Variants in NXPH2 observed in about 807,000 individuals in gnomAD.
NXPH2 encodes the protein neurexophilin-2.
A neutral mutation model predicts 19.8 loss-of-function variants in NXPH2; 5 were observed. The ratio of observed to expected loss-of-function variants is 0.25; its 90% CI spans 0.13 to 0.53. NXPH2 has a LOEUF of 0.53. NXPH2 is among the 20% of genes least tolerant of loss of function. The pLI is 0.96. For missense variants in NXPH2, 289 were observed against 322.8 expected (o/e 0.90, Z 0.80); for synonymous variants, 154 against 127.4 (o/e 1.21, Z -1.41).
chr2:138,737,355 G>A (rs1280648072), intron 1 of NXPH2, among the ~76,000 whole-genome samples: 1 of 152,226 alleles, frequency 6.6e-6, no homozygotes, highest in African/African-American at 2.4e-5. Context: ...CAAAAAGAGA[G>A]TGAGAGCCAA....
At chr2:138,689,516 G>A (rs560191322) in intron 1 of NXPH2, among the ~76,000 whole-genome samples, 1 of 152,290 alleles carries the variant, frequency 6.6e-6, no homozygotes, top group South Asian at 2.1e-4. Flanking sequence ...GAGGGAGCAA[G>A]CTTTTCCAGG....
rs887922237 is a variant in NXPH2 at position 138,691,772 on chromosome 2, C to A, written c.52-20107G>T. On this transcript the variant is annotated intron_variant, in intron 1 of 1. Coordinates refer to ENST00000272641, the MANE Select transcript of NXPH2 (RefSeq NM_007226.3). ...CTGCCAGCCATCCCTTCCAAGGACC[C>A]AAGTATGTGAGCAAAACCATCTTGA... Among the ~76,000 whole-genome samples, 4 of 152,108 alleles carry A rather than the reference C, an allele frequency of 2.6e-5. No individual in the cohort carries two copies. The South Asian group carries it at 8.3e-4, about 32-fold the overall frequency.
rs1470771100 is a variant in NXPH2 at position 138,710,320 on chromosome 2, A to G, written c.52-38655T>C. Among the ~76,000 whole-genome samples the G allele has an allele frequency of 2.6e-5, 4 of 152,216 alleles. No homozygotes were observed. In the East Asian group the frequency reaches 7.7e-4, roughly 29 times the overall value. ...GTTTATTCATCACCTCTTGATGAATACTTGGGTTGTTCCCACCTTTGGCAA... is the reference window on the plus strand; with the variant it reads ...GTTTATTCATCACCTCTTGATGAATGCTTGGGTTGTTCCCACCTTTGGCAA... On this transcript the variant is annotated intron_variant, in intron 1 of 1. Transcript: ENST00000272641.
intron 1 of NXPH2, among the ~76,000 whole-genome samples, chr2:138,766,803 G>A (rs1351227038): frequency 2.0e-5 from 3 of 152,064 alleles, no homozygotes; most frequent in South Asian, 2.1e-4. Flanking sequence ...TATACATTAA[G>A]GTCAAAATGC....
Position 138,780,267 on chromosome 2 carries a change from G to A in NXPH2, c.-26C>T. ...GGTGCCGGCTGGCGCGGCTTTTCAC[G>A]AGCTGCGCGCCCTCGCCTGCCTCTC... On this transcript the variant is annotated 5_prime_UTR_variant, in exon 1 of 2. Transcript: ENST00000272641. 4 of 1,414,900 alleles carry A rather than the reference G, an allele frequency of 2.8e-6. No homozygotes were observed. Among genetic ancestry groups the A allele is most frequent in the Non-Finnish European group, 3.7e-6 (4 of 1,094,974 alleles). The allele number at this position is 1,414,900 out of a possible 1,614,324, so 87.6% of individuals were successfully genotyped here. A position where few individuals can be genotyped will look rare whatever the true frequency, so the allele number is the denominator to read the frequency against.
At chr2:138,756,882 T>C (rs1246964771) in intron 1 of NXPH2, among the ~76,000 whole-genome samples, 3 of 152,150 alleles carry the variant, frequency 2.0e-5, no homozygotes, top group African/African-American at 7.2e-5. Flanking sequence ...AATGAAGGAA[T>C]GAAGCAATAT....
intron 1 of NXPH2, among the ~76,000 whole-genome samples, chr2:138,725,644 A>G (rs371146577): frequency 2.6e-5 from 4 of 152,248 alleles, no homozygotes; most frequent in South Asian, 4.1e-4. Context: ...AGATGCACTG[A>G]TTTTTATTCT....
intron 1 of NXPH2, among the ~76,000 whole-genome samples, chr2:138,688,081 C>T (rs1680688732): frequency 6.6e-6 from 1 of 152,244 alleles, no homozygotes; most frequent in South Asian, 2.1e-4. Context: ...TGAAGAAAGT[C>T]GTTGGTAGCT....
chr2:138,769,576 T>C (rs1323747741), intron 1 of NXPH2, among the ~76,000 whole-genome samples: 1 of 152,198 alleles, frequency 6.6e-6, no homozygotes, highest in East Asian at 1.9e-4. Flanking sequence ...GAGCAGGCTG[T>C]AACCAAACAA....
At chr2:138,688,286 C>T (rs890028378) in intron 1 of NXPH2, among the ~76,000 whole-genome samples, 1 of 152,170 alleles carries the variant, frequency 6.6e-6, no homozygotes, top group African/African-American at 2.4e-5. Context: ...CGGGTTCAAG[C>T]CATTCTCCTG....
intron 1 of NXPH2, among the ~76,000 whole-genome samples, chr2:138,732,641 G>A (rs769803400): frequency 2.0e-5 from 3 of 152,080 alleles, no homozygotes; most frequent in Admixed American, 6.6e-5. Flanking sequence ...TACAAGACAC[G>A]CTAAGGTTTT....
intron 1 of NXPH2, among the ~76,000 whole-genome samples, chr2:138,692,200 G>A (rs1056200316): frequency 1.3e-5 from 2 of 152,128 alleles, no homozygotes; most frequent in Admixed American, 1.3e-4. Context: ...CTGCCTCCAC[G>A]ATTTCATGGT....
Position 138,715,047 on chromosome 2 carries a change from G to A in NXPH2, c.52-43382C>T, listed in dbSNP as rs182802356. Among the ~76,000 whole-genome samples, 292 of 152,308 alleles carry A rather than the reference G, an allele frequency of 1.9e-3. 1 individual carries two copies. The highest frequency in any genetic ancestry group is 3.3e-3 in the Non-Finnish European group (225 of 68,024). On this transcript the variant is annotated intron_variant, in intron 1 of 1. Transcript: ENST00000272641. ...GAAGCAAAATATGGGTTAATCATGA[G>A]TGATGGATGCATTGGTGTTCTATCA... is the stretch of plus-strand genomic sequence containing the variant.
intron 1 of NXPH2, among the ~76,000 whole-genome samples, chr2:138,677,137 A>G (rs1456865071): frequency 1.3e-5 from 2 of 152,212 alleles, no homozygotes; most frequent in Non-Finnish European, 2.9e-5. Flanking sequence ...CAAGATTGTT[A>G]AATGTTATTT....
chr2:138,758,196 C>A (rs376689757), intron 1 of NXPH2, among the ~76,000 whole-genome samples: 2 of 152,106 alleles, frequency 1.3e-5, no homozygotes, highest in East Asian at 3.9e-4. Flanking sequence ...TACTGCACCT[C>A]TTTTGACAAA....
intron 1 of NXPH2, among the ~76,000 whole-genome samples, chr2:138,734,614 G>T (rs1440304362): frequency 1.3e-5 from 2 of 152,196 alleles, no homozygotes; most frequent in African/African-American, 4.8e-5. Flanking sequence ...AGATGGGAAT[G>T]CCAGCTATAA....
intron 1 of NXPH2, among the ~76,000 whole-genome samples, chr2:138,674,581 A>C (rs1253278906): frequency 6.6e-6 from 1 of 152,190 alleles, no homozygotes; most frequent in African/African-American, 2.4e-5. Flanking sequence ...CATCATGTCC[A>C]GTCCCTTGAA....
At chr2:138,677,885 C>T (rs771292031) in intron 1 of NXPH2, among the ~76,000 whole-genome samples, 25 of 152,168 alleles carry the variant, frequency 1.6e-4, no homozygotes, top group Admixed American at 9.2e-4. Context: ...AGACCCTGCA[C>T]CCAGACACTG....
intron 1 of NXPH2, among the ~76,000 whole-genome samples, chr2:138,775,125 T>C (rs558574619): frequency 1.3e-5 from 2 of 152,300 alleles, no homozygotes; most frequent in Admixed American, 1.3e-4. Flanking sequence ...AACTATTTGA[T>C]CTTTGTGAAT....
Sources: gnomAD v4.1 joint callset for allele counts (sites outside exome capture counted in the v4.1 genomes callset) on GRCh38, gnomAD v4.1.1 for gene constraint, MANE v1.5 for transcripts, NCBI Gene and HGNC (gene_info 2026-07-23, HGNC 2026-07-21) for gene names.